NRG1: variants seen among roughly 807,000 people sequenced by gnomAD.
NRG1 encodes pro-neuregulin-1, membrane-bound isoform.
NRG1 carries 18 observed loss-of-function variants against 63.8 expected under a neutral mutation model. That is an observed-to-expected ratio of 0.28 (90% CI 0.19 to 0.42). The LOEUF is 0.42. Ranked by LOEUF, NRG1 falls within the 10% of genes least tolerant of loss-of-function variation. NRG1 has a pLI of 1.00. For missense variants in NRG1, 762 were observed against 814.7 expected (o/e 0.94, Z 0.79); for synonymous variants, 302 against 301.3 (o/e 1.00, Z -0.02).
chr8:32,060,775 G>T (rs1402921445), intron 1 of NRG1, among the ~76,000 whole-genome samples: 1 of 151,634 alleles, frequency 6.6e-6, no homozygotes, highest in African/African-American at 2.4e-5. Context: ...TTTTATTTCT[G>T]CCAAATCTCC....
chr8:32,126,610 G>C (rs1834098757), intron 1 of NRG1, among the ~76,000 whole-genome samples: 1 of 151,834 alleles, frequency 6.6e-6, no homozygotes, highest in South Asian at 2.1e-4. Context: ...TGCCCTGGCT[G>C]TCTCTATCCA....
chr8:31,769,525 C>G (rs1818409770), intron 1 of NRG1, among the ~76,000 whole-genome samples: 1 of 152,060 alleles, frequency 6.6e-6, no homozygotes, highest in Admixed American at 6.5e-5. Context: ...TGGCGTTAGG[C>G]AGAATCAAAA....
rs149729098 is a variant in NRG1 at position 32,648,832 on chromosome 8, C to G, written c.502+31947C>G. ...CTCTCTGTTACCCTCTACCTCTCAGCGACCCCAAGCTGCCTGTTGTCTCTC... is the reference window on the plus strand; with the variant it reads ...CTCTCTGTTACCCTCTACCTCTCAGGGACCCCAAGCTGCCTGTTGTCTCTC... On this transcript the variant is annotated intron_variant, in intron 5 of 11. Transcript: ENST00000356819. Among the ~76,000 whole-genome samples the G allele has an allele frequency of 2.1e-3, 320 of 152,314 alleles. 1 individual carries two copies. The highest frequency in any genetic ancestry group is 7.4e-3 in the African/African-American group (308 of 41,568).
intron 1 of NRG1, among the ~76,000 whole-genome samples, chr8:31,662,997 C>G (rs981238852): frequency 6.6e-6 from 1 of 152,138 alleles, no homozygotes; most frequent in Non-Finnish European, 1.5e-5. Flanking sequence ...CTTGTATTAC[C>G]AGGGATGACT....
chr8:32,730,650 T>A (rs1823413801), intron 6 of NRG1, among the ~76,000 whole-genome samples: 1 of 152,242 alleles, frequency 6.6e-6, no homozygotes, highest in African/African-American at 2.4e-5. Flanking sequence ...TTAGTTCTGC[T>A]GACTTGCTGT....
At chr8:32,310,149 C>T (rs1314720398) in intron 1 of NRG1, among the ~76,000 whole-genome samples, 3 of 152,208 alleles carry the variant, frequency 2.0e-5, no homozygotes, top group Non-Finnish European at 2.9e-5. Context: ...GGACAAGCAG[C>T]TTGTTGCTAA....
At chr8:31,973,227 T>C (rs1258692342) in intron 1 of NRG1, among the ~76,000 whole-genome samples, 2 of 152,218 alleles carry the variant, frequency 1.3e-5, no homozygotes. Context: ...ACAAGCATAC[T>C]GTGGATATAC....
intron 1 of NRG1, among the ~76,000 whole-genome samples, chr8:32,177,116 G>A (rs939995826): frequency 6.6e-6 from 1 of 152,050 alleles, no homozygotes; most frequent in African/African-American, 2.4e-5. Context: ...AAGAAAATGT[G>A]GCACATATAC....
intron 1 of NRG1, among the ~76,000 whole-genome samples, chr8:31,939,255 C>T (rs1052810379): frequency 6.6e-6 from 1 of 152,136 alleles, no homozygotes; most frequent in East Asian, 1.9e-4. Context: ...GGGTCCTATT[C>T]TTAGCCTCTT....
rs573732209 is a variant in NRG1, at chr8:32,304,498, A to G, written c.38-291330A>G. ...ATTTATATAGAGCAGATATAATGAAATTGAAGACTTAGTAAAACTTTCAAA... is the reference window on the plus strand; with the variant it reads ...ATTTATATAGAGCAGATATAATGAAGTTGAAGACTTAGTAAAACTTTCAAA... On this transcript the variant is annotated intron_variant, in intron 1 of 10. Coordinates refer to the NRG1 transcript ENST00000519301. Among the ~76,000 whole-genome samples, 3 of 152,290 alleles carry G rather than the reference A, an allele frequency of 2.0e-5. No individual in the cohort carries two copies. The East Asian group carries it at 5.8e-4, about 29-fold the overall frequency.
chr8:32,553,981 G>A (rs7835688), intron 1 of NRG1, among the ~76,000 whole-genome samples: 1 of 151,858 alleles, frequency 6.6e-6, no homozygotes, highest in African/African-American at 2.4e-5. Flanking sequence ...AAGTTAAATT[G>A]GATTTGAACA....
chr8:31,967,663 G>C (rs1187942044), intron 1 of NRG1, among the ~76,000 whole-genome samples: 3 of 152,212 alleles, frequency 2.0e-5, no homozygotes, highest in African/African-American at 7.2e-5. Context: ...CCAGGCAGCA[G>C]TTCTGTGCAG....
chr8:31,660,410 G>A (rs1382637253), intron 1 of NRG1, among the ~76,000 whole-genome samples: 2 of 152,190 alleles, frequency 1.3e-5, no homozygotes, highest in African/African-American at 4.8e-5. Context: ...ATTTGACATA[G>A]TACTTTCTGG....
chr8:32,106,417 C>G (rs183994414), intron 1 of NRG1, among the ~76,000 whole-genome samples: 16 of 152,250 alleles, frequency 1.1e-4, no homozygotes, highest in Admixed American at 3.3e-4. Flanking sequence ...CAGGAAGGCT[C>G]AGGTAGCATA....
chr8:32,608,571 G>A (rs1465423856), intron 3 of NRG1, among the ~76,000 whole-genome samples: 2 of 152,118 alleles, frequency 1.3e-5, no homozygotes, highest in Admixed American at 1.3e-4. Flanking sequence ...AAGAACAGAA[G>A]CTGAAGGAAT....
At chr8:32,036,201 A>C (rs187781444) in intron 1 of NRG1, among the ~76,000 whole-genome samples, 2 of 152,166 alleles carry the variant, frequency 1.3e-5, no homozygotes, top group African/African-American at 4.8e-5. Flanking sequence ...GCTTAGTTTG[A>C]CCAGATATGA....
At chr8:31,980,866 A>G (rs975062647) in intron 1 of NRG1, among the ~76,000 whole-genome samples, 2 of 151,980 alleles carry the variant, frequency 1.3e-5, no homozygotes, top group Non-Finnish European at 2.9e-5. Context: ...GGAGAATAAC[A>G]CGTTGATATC....
intron 1 of NRG1, among the ~76,000 whole-genome samples, chr8:31,934,874 G>A (rs1487917149): frequency 1.3e-5 from 2 of 152,004 alleles, no homozygotes; most frequent in Non-Finnish European, 2.9e-5. Context: ...ATGCTGCCTG[G>A]CACATGTAGA....
chr8:32,679,551 C>T (rs1163436564), intron 5 of NRG1, among the ~76,000 whole-genome samples: 1 of 152,158 alleles, frequency 6.6e-6, no homozygotes, highest in Non-Finnish European at 1.5e-5. Context: ...TGAATGGACT[C>T]CTTTCCTCCA....
Sources: gnomAD v4.1 joint callset for allele counts (sites outside exome capture counted in the v4.1 genomes callset) on GRCh38, gnomAD v4.1.1 for gene constraint, MANE v1.5 for transcripts, NCBI Gene and HGNC (gene_info 2026-07-23, HGNC 2026-07-21) for gene names.